FBH1: variants seen among roughly 807,000 people sequenced by gnomAD.
FBH1 encodes the protein DNA 3'-5' helicase 1.
In FBH1, 43 loss-of-function variants were observed where a neutral mutation model predicts 115.5. The ratio of observed to expected loss-of-function variants is 0.37; its 90% CI spans 0.29 to 0.48. The LOEUF (loss-of-function observed/expected upper bound fraction) is 0.48. FBH1 is among the 20% of genes least tolerant of loss of function. The pLI is 0.99. For synonymous variants in FBH1, 524 were observed against 507.8 expected (o/e 1.03, Z -0.43); for missense variants, 1,001 against 1,337.3 (o/e 0.75, Z 3.92).
Position 5,897,609 on chromosome 10 carries a change from A to G in FBH1, c.2-5411A>G, listed in dbSNP as rs534765478. Among the ~76,000 whole-genome samples, 2 of 152,352 alleles carry G rather than the reference A, an allele frequency of 1.3e-5. No individual in the cohort carries two copies. Among genetic ancestry groups the G allele is most frequent in the East Asian group, 3.9e-4 (2 of 5,182 alleles). On this transcript the variant is annotated intron_variant, in intron 1 of 20. Coordinates refer to ENST00000362091, the MANE Select transcript of FBH1 (RefSeq NM_178150.3). The surrounding 1 kb of genome is among the most constrained non-coding windows in gnomAD (Gnocchi z 4.7). ...TACCAGCTCTCCCGCCAGCCAAACTATGGCTGGTAACGCCATTCCAGTTAT... is the reference window on the plus strand; with the variant it reads ...TACCAGCTCTCCCGCCAGCCAAACTGTGGCTGGTAACGCCATTCCAGTTAT...
intron 15 of FBH1, among the ~76,000 whole-genome samples, chr10:5,922,928 G>T (rs762917998): frequency 1.3e-5 from 2 of 152,200 alleles, no homozygotes; most frequent in Non-Finnish European, 2.9e-5. Context: ...TTGTCACCCA[G>T]GCTGGAGTGC....
intron 13 of FBH1, among the ~76,000 whole-genome samples, chr10:5,919,532 A>T (rs893436175): frequency 1.3e-5 from 2 of 152,366 alleles, no homozygotes; most frequent in Middle Eastern, 3.4e-3. Flanking sequence ...ATTAAAATTT[A>T]TAATATGGTA....
chr10:5,937,236 A>G lies in FBH1; in HGVS notation c.3088A>G (p.Ile1030Val), dbSNP rs368348869. The change falls in exon 21 of 21, where the codon ATC becomes GTC. Residue 1030 changes from isoleucine to valine, a missense_variant. Physicochemically the swap from Ile to Val is conservative, Grantham distance 29. This residue lies in a region of FBH1 where 521 missense variants were observed against 811.0 expected (regional missense o/e 0.64). Transcript: ENST00000362091. The part of the protein sequence containing the change: ...VRAMERTVEN[I>V]VLPRHEALLF... ...CGCCATGGAGCGCACTGTGGAGAAC[A>G]TCGTACTGCCCCGGCATGAGGCCCT... is the stretch of plus-strand genomic sequence containing the variant. 3.0e-5 allele frequency: 49 copies of G among 1,612,430 alleles called. No individual in the cohort carries two copies. The highest frequency in any genetic ancestry group is 6.7e-5 in the East Asian group (3 of 44,842).
At chr10:5,903,209 C>G (rs1285353156) in intron 2 of FBH1, 34 bp downstream of exon 2, 2 of 1,553,150 alleles carry the variant, frequency 1.3e-6, no homozygotes, top group Non-Finnish European at 1.7e-6. Context: ...CATTTCAAAA[C>G]CTGTAGTGTG....
rs1364639202 is a variant in FBH1, at chr10:5,937,180, C to T, written c.3032C>T (p.Ala1011Val). 9 of 1,613,932 alleles carry T rather than the reference C, an allele frequency of 5.6e-6. No homozygotes were observed. The highest frequency in any genetic ancestry group is 7.6e-6 in the Non-Finnish European group (9 of 1,179,962). ...SCAEQRIGPL[A>V]FLTASPEQVR... Reference sequence around the variant, plus strand: ...GCGGAGCAGCGCATCGGGCCCCTGGCGTTCCTGACAGCCTCCCCGGAGCAG... The same window carrying T: ...GCGGAGCAGCGCATCGGGCCCCTGGTGTTCCTGACAGCCTCCCCGGAGCAG... The change falls in exon 21 of 21, where the codon GCG (alanine) becomes GTG (valine). Residue 1011 changes from alanine to valine, a missense_variant. Ala to Val is a moderately conservative substitution (Grantham distance 64). Transcript: ENST00000362091.
chr10:5,915,913 C>T lies in FBH1; in HGVS notation c.1566-321C>T. The stretch of plus-strand genomic sequence containing the variant: ...GAGTGAGGAAGACTCAGCCGAGGCA[C>T]ACTTGACCCAGGTCTCCTGGATGTA... On this transcript the variant is annotated intron_variant, in intron 9 of 20. Transcript: ENST00000362091. This position sits in a 1 kb window ranked among gnomAD's most constrained non-coding sequence, Gnocchi z 5.2. 2.1e-6 allele frequency: 1 copy of T among 465,226 alleles called. No individual in the cohort carries two copies. The highest frequency in any genetic ancestry group is 3.9e-6 in the Non-Finnish European group (1 of 258,316). 28.8% of individuals were successfully genotyped at this position (465,226 alleles called of 1,614,324 possible).
rs973619017 is a variant in FBH1 at position 5,913,941 on chromosome 10, T to C, written c.1304+102T>C. On this transcript the variant is annotated intron_variant, in intron 7 of 20. Transcript: ENST00000362091. This position sits in a 1 kb window ranked among gnomAD's most constrained non-coding sequence, Gnocchi z 4.4. The stretch of plus-strand genomic sequence containing the variant: ...CTTCACTTTAGCAACATCATTGAGG[T>C]TAATAATGTAAATTGTGTAAAACTC... 1 of 959,320 alleles carries C rather than the reference T, an allele frequency of 1.0e-6. No individual in the cohort carries two copies. Among genetic ancestry groups the C allele is most frequent in the African/African-American group, 1.7e-5 (1 of 60,132 alleles). 59.4% of individuals were successfully genotyped at this position (959,320 alleles called of 1,614,324 possible).
chr10:5,918,510 A>G lies in FBH1; in HGVS notation c.2100+32A>G, dbSNP rs547498917. On this transcript the variant is annotated intron_variant, in intron 13 of 20. Coordinates refer to ENST00000362091, the MANE Select transcript of FBH1 (RefSeq NM_178150.3). This position sits in a 1 kb window ranked among gnomAD's most constrained non-coding sequence, Gnocchi z 4.0. ...GCGCACTCTGCATGGGAGGCATTGC[A>G]TCTCTCTCCCAATGTCTTACGTGCC... The G allele has an allele frequency of 4.3e-5, 65 of 1,527,536 alleles. No individual in the cohort carries two copies. The Middle Eastern group carries it at 5.8e-4, about 14-fold the overall frequency. The allele number at this position is 1,527,536 out of a possible 1,614,324, so 94.6% of individuals were successfully genotyped here.
rs770503086 is a variant in FBH1 at position 5,910,938 on chromosome 10, G to A, written c.1021G>A (p.Gly341Ser). The change falls in exon 6 of 21, where the codon GGT becomes AGT. Residue 341 changes from glycine (G) to serine (S), a missense_variant and splice_region_variant. Physicochemically the swap from Gly to Ser is moderately conservative, Grantham distance 56. This residue lies in a region of FBH1 where 59 missense variants were observed against 79.7 expected (regional missense o/e 0.74). Coordinates refer to ENST00000362091, the MANE Select transcript of FBH1 (RefSeq NM_178150.3). The surrounding 1 kb of genome is among the most constrained non-coding windows in gnomAD (Gnocchi z 4.8). The stretch of plus-strand genomic sequence containing the variant: ...CCCTCCCTGTGCACCTGGCTTGCAG[G>A]GTGTCAACATCTGGGCCCTGGTGGC... ...HLPDLYAAAG[G>S]VNIWALVAAV... 4.4e-6 allele frequency: 7 copies of A among 1,608,184 alleles called. No homozygotes were observed. In the East Asian group the frequency reaches 1.6e-4, roughly 36 times the overall value.
In FBH1 at chr10:5,914,459, A is replaced by T. The variant is rs1831802402; in HGVS notation, c.1396+190A>T. ...CTTACTTCCCCGGACCACTCCATGA[A>T]CATCCACAGAATTCCTGTTGAGACA... is the stretch of plus-strand genomic sequence containing the variant. On this transcript the variant is annotated intron_variant, in intron 8 of 20. Transcript: ENST00000362091. The surrounding 1 kb of genome is among the most constrained non-coding windows in gnomAD (Gnocchi z 5.2). Among the ~76,000 whole-genome samples the T allele has an allele frequency of 6.6e-6, 1 of 152,264 alleles. No homozygotes were observed. The highest frequency in any genetic ancestry group is 2.4e-5 in the African/African-American group (1 of 41,468).
rs1842938776 is a variant in FBH1, at chr10:5,895,127, C to T, written c.1+4781C>T. ...ACATTGCGCAGGGCCCCTGGGCCAT[C>T]TCCACAGGAGATGCCAGAGGACGAG... On this transcript the variant is annotated intron_variant, in intron 1 of 20. Coordinates refer to ENST00000362091, the MANE Select transcript of FBH1 (RefSeq NM_178150.3). This position sits in a 1 kb window ranked among gnomAD's most constrained non-coding sequence, Gnocchi z 5.0. The T allele has an allele frequency of 6.2e-7, 1 of 1,614,028 alleles. No homozygotes were observed. Among genetic ancestry groups the T allele is most frequent in the Non-Finnish European group, 8.5e-7 (1 of 1,179,942 alleles).
Position 5,917,545 on chromosome 10 carries a change from A to G in FBH1, c.1876+38A>G. On this transcript the variant is annotated intron_variant, in intron 11 of 20. Transcript: ENST00000362091. The surrounding 1 kb of genome is among the most constrained non-coding windows in gnomAD (Gnocchi z 5.6). ...CGAATGGCGGGGACTGGCCAATGGGACTGCCTTCCTGGCGTTACAACTCCT... is the reference window on the plus strand; with the variant it reads ...CGAATGGCGGGGACTGGCCAATGGGGCTGCCTTCCTGGCGTTACAACTCCT... 7 of 1,613,248 alleles carry G rather than the reference A, an allele frequency of 4.3e-6. No individual in the cohort carries two copies. The highest frequency in any genetic ancestry group is 5.9e-6 in the Non-Finnish European group (7 of 1,179,220).
At position 5,909,302 on chromosome 10, in the gene FBH1, T is replaced by A. The variant is rs1418507407; in HGVS notation, c.1020+8T>A. ...CTCTACGCTGCTGCCGGGGTAGGTC[T>A]GGAGGCTGCGGGAGAAGGCGGCATG... On this transcript the variant is annotated splice_region_variant and intron_variant, in intron 5 of 20. Coordinates refer to ENST00000362091, the MANE Select transcript of FBH1 (RefSeq NM_178150.3). The surrounding 1 kb of genome is among the most constrained non-coding windows in gnomAD (Gnocchi z 4.4). 1 of 1,606,078 alleles carries A rather than the reference T, an allele frequency of 6.2e-7. No homozygotes were observed. The highest frequency in any genetic ancestry group is 8.5e-7 in the Non-Finnish European group (1 of 1,178,916).
At chr10:5,893,044 G>T (rs953656511) in intron 1 of FBH1, among the ~76,000 whole-genome samples, 1 of 152,202 alleles carries the variant, frequency 6.6e-6, no homozygotes, top group Admixed American at 6.5e-5. Context: ...GGTGGCTGAC[G>T]CCTGTAATCC....
At position 5,918,609 on chromosome 10, in the gene FBH1, G is replaced by A; in HGVS notation, c.2100+131G>A. On this transcript the variant is annotated intron_variant, in intron 13 of 20. Coordinates refer to ENST00000362091, the MANE Select transcript of FBH1 (RefSeq NM_178150.3). The surrounding 1 kb of genome is among the most constrained non-coding windows in gnomAD (Gnocchi z 4.0). ...TTGCTTCTAAGCCATGGTTCTCAAA[G>A]TGTGGTTCTCAGGGGTCTGCCAAGT... 8.1e-7 allele frequency: 1 copy of A among 1,239,498 alleles called. No homozygotes were observed. Among genetic ancestry groups the A allele is most frequent in the Non-Finnish European group, 1.1e-6 (1 of 935,028 alleles). The allele number at this position is 1,239,498 out of a possible 1,614,324, so 76.8% of individuals were successfully genotyped here. A position where few individuals can be genotyped will look rare whatever the true frequency, so the allele number is the denominator to read the frequency against.
chr10:5,902,512 A>T (rs891269860), intron 1 of FBH1, among the ~76,000 whole-genome samples: 1 of 152,240 alleles, frequency 6.6e-6, no homozygotes, highest in Admixed American at 6.5e-5. Context: ...TGTCGCCCAG[A>T]TTGGAGTGCA....
Position 5,916,323 on chromosome 10 carries a change from G to C in FBH1, c.1655G>C (p.Arg552Thr), listed in dbSNP as rs1468176503. 1.9e-6 allele frequency: 3 copies of C among 1,614,222 alleles called. No individual in the cohort carries two copies. Among genetic ancestry groups the C allele is most frequent in the Admixed American group, 1.7e-5 (1 of 60,032 alleles). The change falls in exon 10 of 21, where the codon AGA becomes ACA. Residue 552 changes from arginine to threonine, a missense_variant. By Grantham distance (71) the Arg-to-Thr change is moderately conservative. Transcript: ENST00000362091. ...GCTGAAGGGAAGGGTGGATTCATAA[G>C]AGCCAAGCTTGTGTGTAAGACTCTA... ...VLAEGKGGFIRAKLVCKTLEN... is the reference protein window; with the variant it reads ...VLAEGKGGFITAKLVCKTLEN...
In FBH1 at chr10:5,910,239, G is replaced by A. The variant is rs1455572317; in HGVS notation, c.1021-699G>A. On this transcript the variant is annotated intron_variant, in intron 5 of 20. Transcript: ENST00000362091. This position sits in a 1 kb window ranked among gnomAD's most constrained non-coding sequence, Gnocchi z 4.8. ...AGAGGTTGCGGTGAGCTGAGATCGCGCCACTGCACTCCAGCCTGTGTGACA... is the reference window on the plus strand; with the variant it reads ...AGAGGTTGCGGTGAGCTGAGATCGCACCACTGCACTCCAGCCTGTGTGACA... Among the ~76,000 whole-genome samples the A allele has an allele frequency of 6.6e-6, 1 of 151,310 alleles. No individual in the cohort carries two copies. The highest frequency in any genetic ancestry group is 2.4e-5 in the African/African-American group (1 of 41,112).
chr10:5,893,333 C>G (rs1842841906), intron 1 of FBH1, among the ~76,000 whole-genome samples: 1 of 152,136 alleles, frequency 6.6e-6, no homozygotes, highest in Admixed American at 6.6e-5. Flanking sequence ...AACAAACAAA[C>G]AAAATTGGAT....
Sources: gnomAD v4.1 joint callset for allele counts (sites outside exome capture counted in the v4.1 genomes callset) on GRCh38, gnomAD v4.1.1 for gene constraint, gnomAD v4.1.1 regional missense constraint, Gnocchi (gnomAD v3.1) non-coding constraint, MANE v1.5 for transcripts, NCBI Gene and HGNC (gene_info 2026-07-23, HGNC 2026-07-21) for gene names.